Variants in PCDH1 observed in about 807,000 individuals in gnomAD.
PCDH1 encodes the protein protocadherin 1.
Under a neutral mutation model 74.6 loss-of-function variants are expected in PCDH1, and 23 were observed. That is an observed-to-expected ratio of 0.31 (90% CI 0.22 to 0.44). PCDH1 has a LOEUF of 0.44. PCDH1 is among the 20% of genes least tolerant of loss of function. PCDH1 has a pLI of 1.00. For synonymous variants in PCDH1, 647 were observed against 686.1 expected, an observed-to-expected ratio of 0.94 and a Z score of 0.89; for missense variants, 1,214 against 1,641.4, an observed-to-expected ratio of 0.74 and a Z score of 4.50.
Position 141,865,334 on chromosome 5 carries a change from C to G in PCDH1, c.997G>C (p.Asp333His). ...ACAGTGATAAGTCCAGTGTTCCTGT[C>G]CAGTCGAAGAAGACGCCTCACAACT... is the stretch of plus-strand genomic sequence containing the variant. Reference protein sequence around the residue: ...PEVVRRLLRLDRNTGLITVQG... With the variant: ...PEVVRRLLRLHRNTGLITVQG... The change falls in exon 3 of 5, where the codon GAC (aspartate) becomes CAC (histidine). Residue 333 changes from aspartate to histidine, a missense_variant. Transcript: ENST00000287008. The surrounding 1 kb of genome is among the most constrained non-coding windows in gnomAD (Gnocchi z 4.4). 1 of 1,614,180 alleles carries G rather than the reference C, an allele frequency of 6.2e-7. No individual in the cohort carries two copies. Among genetic ancestry groups the G allele is most frequent in the Non-Finnish European group, 8.5e-7 (1 of 1,180,034 alleles).
At chr5:141,855,376 C>T (rs1479898788) in intron 4 of PCDH1, among the ~76,000 whole-genome samples, 3 of 152,132 alleles carry the variant, frequency 2.0e-5, no homozygotes, top group Admixed American at 2.0e-4. Flanking sequence ...CATCTACACA[C>T]TGCCTCATCT....
chr5:141,857,123 G>A (rs1456672165), intron 4 of PCDH1, 129 bp downstream of exon 4: 10 of 721,642 alleles, frequency 1.4e-5, no homozygotes, highest in Non-Finnish European at 1.9e-5. Flanking sequence ...ATACCTGAAA[G>A]CCCTCAGCAC....
rs1479129548 is a variant in PCDH1, at chr5:141,869,086, CCAG to C, written c.383_385del (p.Pro128_Gly129delinsArg). On this transcript the variant is annotated inframe_deletion, in exon 2 of 5. Transcript: ENST00000287008. The surrounding 1 kb of genome is among the most constrained non-coding windows in gnomAD (Gnocchi z 4.9). ...CTCAAACTCCAGGATGCAGGGATCA[CCAG>C]GGAGCTGGTTCTGGCATTCACGGAG... 144 of 1,613,620 alleles carry C rather than the reference CCAG, an allele frequency of 8.9e-5. No individual in the cohort carries two copies. Among genetic ancestry groups the C allele is most frequent in the Non-Finnish European group, 1.2e-4 (143 of 1,179,992 alleles).
chr5:141,866,188 A>G, intron 2 of PCDH1: 1 of 985,454 alleles, frequency 1.0e-6, no homozygotes, highest in Non-Finnish European at 1.2e-6. Context: ...AACCGGGGAA[A>G]CCTGTTTCAG....
At chr5:141,861,023 G>C (rs1264981174) in intron 3 of PCDH1, among the ~76,000 whole-genome samples, 1 of 147,222 alleles carries the variant, frequency 6.8e-6, no homozygotes. Flanking sequence ...GCTGAGGCAG[G>C]AGAATTGCTT....
rs748120372 is a variant in PCDH1 at position 141,865,372 on chromosome 5, T to G, written c.959A>C (p.His320Pro). The G allele has an allele frequency of 5.8e-5, 94 of 1,613,984 alleles. No individual in the cohort carries two copies. In the Admixed American group the frequency reaches 7.0e-4, roughly 12 times the overall value. ...ACGCCTCACAACTTCGGGCGCCTGG[T>G]GGAATGTGTATTCGATTTCTGCATT... ...GANAEIEYTF[H>P]QAPEVVRRLL... The change falls in exon 3 of 5, where the codon CAC becomes CCC. Residue 320 changes from histidine to proline, a missense_variant. His to Pro is a moderately conservative substitution (Grantham distance 77). Around this residue, in one of 4 missense-constraint regions of PCDH1, gnomAD observed 836 missense variants for 1,182.2 expected, o/e 0.71. Coordinates refer to ENST00000287008, the MANE Select transcript of PCDH1 (RefSeq NM_032420.5). The surrounding 1 kb of genome is among the most constrained non-coding windows in gnomAD (Gnocchi z 4.4).
intron 4 of PCDH1, chr5:141,856,153 C>T: frequency 2.1e-6 from 3 of 1,397,206 alleles, no homozygotes; most frequent in Non-Finnish European, 2.9e-6. Flanking sequence ...AGAGCATGGG[C>T]ACTGGGTGGG....
intron 2 of PCDH1, chr5:141,866,306 C>A (rs1430215686): frequency 1.9e-5 from 17 of 879,786 alleles, no homozygotes; most frequent in Non-Finnish European, 2.2e-5. Context: ...ACAGAGCCTG[C>A]TGGCAGTGGG....
intron 1 of PCDH1, among the ~76,000 whole-genome samples, chr5:141,872,135 C>CCT (rs1937283494): frequency 6.9e-6 from 1 of 145,864 alleles, no homozygotes; most frequent in Non-Finnish European, 1.5e-5. Flanking sequence ...CCCACCCCCC[C>CCT]CCTCCACCTG....
Position 141,853,888 on chromosome 5 carries a change from G to A in PCDH1, c.*154C>T, listed in dbSNP as rs1752213641. ...GAGAGGACCTGGACCCTGCATGGGA[G>A]AAGGGCCAGCGTGGTCATGAGGTCA... On this transcript the variant is annotated 3_prime_UTR_variant, in exon 5 of 5. Transcript: ENST00000287008. The A allele has an allele frequency of 1.7e-6, 1 of 585,558 alleles. No homozygotes were observed. The highest frequency in any genetic ancestry group is 2.8e-6 in the Non-Finnish European group (1 of 361,692). 36.3% of individuals were successfully genotyped at this position (585,558 alleles called of 1,614,324 possible). A position where few individuals can be genotyped will look rare whatever the true frequency, so the allele number is the denominator to read the frequency against.
chr5:141,878,157 C>A lies in PCDH1; in HGVS notation c.40+66G>T. ...GCTCCGCCGAGCGCCCCTCCCTCAGCTCCCGCCGGCCATGACCGCTTCGGG... is the reference window on the plus strand; with the variant it reads ...GCTCCGCCGAGCGCCCCTCCCTCAGATCCCGCCGGCCATGACCGCTTCGGG... On this transcript the variant is annotated intron_variant, in intron 1 of 4. Coordinates refer to ENST00000287008, the MANE Select transcript of PCDH1 (RefSeq NM_032420.5). The surrounding 1 kb of genome is among the most constrained non-coding windows in gnomAD (Gnocchi z 5.5). 1 of 1,383,308 alleles carries A rather than the reference C, an allele frequency of 7.2e-7. No homozygotes were observed. 85.7% of individuals were successfully genotyped at this position (1,383,308 alleles called of 1,614,324 possible).
intron 3 of PCDH1, chr5:141,862,560 G>A (rs1393553463): frequency 6.7e-6 from 6 of 891,764 alleles, no homozygotes; most frequent in Non-Finnish European, 8.1e-6. Context: ...AAAGAGAAGG[G>A]AAGGGGAAAT....
At chr5:141,858,786 C>T (rs1414491742) in intron 3 of PCDH1, among the ~76,000 whole-genome samples, 3 of 152,148 alleles carry the variant, frequency 2.0e-5, no homozygotes, top group Non-Finnish European at 2.9e-5. Flanking sequence ...AAGCTCCTTC[C>T]CATCCTCCAA....
intron 4 of PCDH1, among the ~76,000 whole-genome samples, chr5:141,855,261 C>T (rs1752290439): frequency 6.6e-6 from 1 of 152,118 alleles, no homozygotes; most frequent in Non-Finnish European, 1.5e-5. Context: ...AGGCATGAGC[C>T]ACCAAGCCCT....
At chr5:141,856,307 GGA>G (rs1752334932) in intron 4 of PCDH1, 8 of 1,518,426 alleles carry the variant, frequency 5.3e-6, no homozygotes, top group Non-Finnish European at 7.1e-6. Flanking sequence ...GATCGCGCAT[GGA>G]GGGGCGGGGT....
Position 141,864,865 on chromosome 5 carries a change from G to C in PCDH1, c.1466C>G (p.Thr489Ser), listed in dbSNP as rs759482639. The C allele has an allele frequency of 1.2e-6, 2 of 1,614,228 alleles. No individual in the cohort carries two copies. Among genetic ancestry groups the C allele is most frequent in the Non-Finnish European group, 1.7e-6 (2 of 1,180,046 alleles). ...CACCACCTGCACCTTGAGGGAGTTA[G>C]TGCTGGAGAGTGGGGGGTTGCCAGA... ...VDSGNPPLSS[T>S]NSLKVQVVDV... Residue 489 changes from threonine to serine, a missense_variant, in exon 3 of 5, where the codon ACT (threonine) becomes AGT (serine). Transcript: ENST00000287008. This position sits in a 1 kb window ranked among gnomAD's most constrained non-coding sequence, Gnocchi z 5.9.
In PCDH1 at chr5:141,863,203, G is replaced by C. The variant is rs142669127; in HGVS notation, c.3099+29C>G. ...GTGGTAGGGGTGGGGTAGGGGCTGG[G>C]GTGTGCTGAGCTGAAAGGGCTGGCC... On this transcript the variant is annotated intron_variant, in intron 3 of 4. Transcript: ENST00000287008. The surrounding 1 kb of genome is among the most constrained non-coding windows in gnomAD (Gnocchi z 7.5). 1.3e-6 allele frequency: 2 copies of C among 1,555,954 alleles called. No homozygotes were observed. Among genetic ancestry groups the C allele is most frequent in the South Asian group, 2.5e-5 (2 of 80,054 alleles).
At position 141,863,989 on chromosome 5, in the gene PCDH1, T is replaced by A; in HGVS notation, c.2342A>T (p.Glu781Val). 6.2e-7 allele frequency: 1 copy of A among 1,614,054 alleles called. No individual in the cohort carries two copies. The highest frequency in any genetic ancestry group is 8.5e-7 in the Non-Finnish European group (1 of 1,180,014). The change falls in exon 3 of 5, where the codon GAG becomes GTG. Residue 781 changes from glutamate (E) to valine (V), a missense_variant. Around this residue, in one of 4 missense-constraint regions of PCDH1, gnomAD observed 836 missense variants for 1,182.2 expected, o/e 0.71. Transcript: ENST00000287008. This position sits in a 1 kb window ranked among gnomAD's most constrained non-coding sequence, Gnocchi z 7.5. ...SGAITLEKEI[E>V]RRHHGLHRLV... ...GCGGTGTAGCCCATGGTGGCGCCGCTCAATCTCCTTCTCCAGGGTGATGGC... is the reference window on the plus strand; with the variant it reads ...GCGGTGTAGCCCATGGTGGCGCCGCACAATCTCCTTCTCCAGGGTGATGGC...
chr5:141,866,418 A>G (rs1253912315), intron 2 of PCDH1, among the ~76,000 whole-genome samples: 1 of 152,212 alleles, frequency 6.6e-6, no homozygotes, highest in Non-Finnish European at 1.5e-5. Context: ...ACTCTATACA[A>G]ACATGGTTGG....
Sources: gnomAD v4.1 joint callset for allele counts (sites outside exome capture counted in the v4.1 genomes callset) on GRCh38, gnomAD v4.1.1 for gene constraint, gnomAD v4.1.1 regional missense constraint, Gnocchi (gnomAD v3.1) non-coding constraint, MANE v1.5 for transcripts, NCBI Gene and HGNC (gene_info 2026-07-23, HGNC 2026-07-21) for gene names.